RALYL: variants seen among roughly 807,000 people sequenced by gnomAD.
RALYL encodes the protein RALY RNA binding protein like.
In RALYL, 29 loss-of-function variants were observed where a neutral mutation model predicts 35.1. The ratio of observed to expected loss-of-function variants is 0.83; its 90% confidence interval spans 0.61 to 1.13. The LOEUF is 1.13. Among genes scored for constraint, RALYL ranks in the 50% most tolerant of loss-of-function variants. The pLI, the probability that RALYL is intolerant of heterozygous loss-of-function variation, is 0.00. For missense variants in RALYL, 359 were observed against 360.4 expected (o/e 1.00, Z 0.03); for synonymous variants, 120 against 127.6 (o/e 0.94, Z 0.40).
chr8:84,892,348 G>C (rs535007690), intron 8 of RALYL, among the ~76,000 whole-genome samples: 1 of 152,170 alleles, frequency 6.6e-6, no homozygotes, highest in East Asian at 1.9e-4. Flanking sequence ...GGTGGCTCAC[G>C]CCTGTAATCC....
chr8:84,532,635 T>A (rs1156575323), intron 2 of RALYL, among the ~76,000 whole-genome samples: 1 of 152,108 alleles, frequency 6.6e-6, no homozygotes, highest in Non-Finnish European at 1.5e-5. Context: ...ATTGATTAGA[T>A]CATGCACTGC....
At chr8:84,547,401 G>T (rs187727651) in intron 2 of RALYL, among the ~76,000 whole-genome samples, 1 of 149,840 alleles carries the variant, frequency 6.7e-6, no homozygotes, top group Non-Finnish European at 1.5e-5. Context: ...TTTTTGAGAC[G>T]GAGTCTCGCT....
chr8:84,515,914 G>C (rs2058023191), intron 1 of RALYL, among the ~76,000 whole-genome samples: 1 of 151,804 alleles, frequency 6.6e-6, no homozygotes, highest in African/African-American at 2.4e-5. Context: ...GATTATTAAA[G>C]GCAATGGATT....
chr8:84,352,983 G>A lies in RALYL; in HGVS notation c.-24+168559G>A, dbSNP rs1318650593. On this transcript the variant is annotated intron_variant, in intron 1 of 8. Transcript: ENST00000521268. ...CAAGTTAGGTAAGGTGCCAATTGCC[G>A]CGACCCCTGTTGGACCACCCCTAGA... Among the ~76,000 whole-genome samples, 8 of 149,886 alleles carry A rather than the reference G, an allele frequency of 5.3e-5. 1 individual carries two copies. Among genetic ancestry groups the A allele is most frequent in the Non-Finnish European group, 1.0e-4 (7 of 67,622 alleles).
chr8:84,568,534 G>A (rs2061956937), intron 2 of RALYL, among the ~76,000 whole-genome samples: 1 of 131,852 alleles, frequency 7.6e-6, no homozygotes, highest in South Asian at 2.8e-4. Flanking sequence ...CTTTATAGCA[G>A]CATGATTTAT....
intron 5 of RALYL, among the ~76,000 whole-genome samples, chr8:84,852,008 C>T (rs1193079502): frequency 6.6e-6 from 1 of 152,196 alleles, no homozygotes; most frequent in Non-Finnish European, 1.5e-5. Context: ...ATAGTGGATA[C>T]TCTGTATTAT....
chr8:84,532,922 G>A (rs1472717782), intron 2 of RALYL, among the ~76,000 whole-genome samples: 2 of 151,942 alleles, frequency 1.3e-5, no homozygotes, highest in African/African-American at 4.8e-5. Flanking sequence ...ATGATAGAGG[G>A]TATCCATGTT....
intron 1 of RALYL, among the ~76,000 whole-genome samples, chr8:84,410,709 C>T (rs1278592720): frequency 6.6e-6 from 1 of 151,140 alleles, no homozygotes; most frequent in South Asian, 2.1e-4. Context: ...TTAAATAAAA[C>T]AAAAAAAGAT....
At chr8:84,501,412 A>C (rs1179888597) in intron 1 of RALYL, among the ~76,000 whole-genome samples, 1 of 152,142 alleles carries the variant, frequency 6.6e-6, no homozygotes, top group East Asian at 1.9e-4. Flanking sequence ...TATGCACACA[A>C]TTAATTTTAA....
chr8:84,894,188 TTTG>T (rs1844351319), intron 8 of RALYL, among the ~76,000 whole-genome samples: 1 of 152,300 alleles, frequency 6.6e-6, no homozygotes, highest in South Asian at 2.1e-4. Context: ...TCTCCTTCTT[TTTG>T]AGACTTTTTG....
At chr8:84,226,198 C>T (rs1172732034) in intron 1 of RALYL, among the ~76,000 whole-genome samples, 22 of 152,140 alleles carry the variant, frequency 1.4e-4, no homozygotes, top group Admixed American at 1.4e-3. Context: ...ATCTAGGTTG[C>T]ATGCTTCTTA....
intron 1 of RALYL, among the ~76,000 whole-genome samples, chr8:84,514,497 T>G (rs1235628413): frequency 6.6e-6 from 1 of 152,142 alleles, no homozygotes; most frequent in East Asian, 1.9e-4. Context: ...GGCCCACTCT[T>G]TGCTTCCAAG....
intron 1 of RALYL, among the ~76,000 whole-genome samples, chr8:84,418,073 C>A (rs1025834707): frequency 5.9e-5 from 9 of 152,070 alleles, no homozygotes; most frequent in African/African-American, 2.2e-4. Context: ...TTTTCCAACA[C>A]ACAAGTAATT....
rs1253837488 is a variant in RALYL at position 84,862,388 on chromosome 8, G to A, written c.506G>A (p.Gly169Glu). 5.6e-6 allele frequency: 9 copies of A among 1,607,256 alleles called. 1 individual carries two copies. The highest frequency in any genetic ancestry group is 5.6e-5 in the South Asian group (5 of 89,948). The change falls in exon 6 of 9, where the codon GGG becomes GAG. Residue 169 changes from glycine (G) to glutamate (E), a missense_variant. By Grantham distance (98) the Gly-to-Glu change is moderately conservative (BLOSUM62 -2). Transcript: ENST00000521268. Reference sequence around the variant, plus strand: ...GTGGCAGTCACAACGACTCGCAGGGGGAAAGGAGTCTTTTCCATGAAAGGT... The same window carrying A: ...GTGGCAGTCACAACGACTCGCAGGGAGAAAGGAGTCTTTTCCATGAAAGGT... Reference protein sequence around the residue: ...PRVAVTTTRRGKGVFSMKGGS... With the variant: ...PRVAVTTTRREKGVFSMKGGS...
intron 6 of RALYL, among the ~76,000 whole-genome samples, chr8:84,867,280 A>T (rs576943722): frequency 6.6e-6 from 1 of 152,234 alleles, no homozygotes; most frequent in South Asian, 2.1e-4. Context: ...TCGTTTTTTT[A>T]TTATGGGACT....
chr8:84,291,580 C>T lies in RALYL; in HGVS notation c.-24+107156C>T. The stretch of plus-strand genomic sequence containing the variant: ...AAAACTTAAGCCAACATATTAATGA[C>T]TGGTGAGTACCATGACTTTATTCCT... On this transcript the variant is annotated intron_variant, in intron 1 of 8. Coordinates refer to ENST00000521268, the MANE Select transcript of RALYL (RefSeq NM_173848.7). Among the ~76,000 whole-genome samples the T allele has an allele frequency of 1.3e-5, 2 of 152,066 alleles. 1 individual carries two copies. Among genetic ancestry groups the T allele is most frequent in the South Asian group, 4.1e-4 (2 of 4,834 alleles).
intron 1 of RALYL, among the ~76,000 whole-genome samples, chr8:84,479,696 T>A (rs1284733734): frequency 6.6e-6 from 1 of 152,198 alleles, no homozygotes; most frequent in East Asian, 1.9e-4. Context: ...ATTACTGGGC[T>A]ACTGCTTACA....
At chr8:84,470,014 C>A (rs557989818) in intron 1 of RALYL, among the ~76,000 whole-genome samples, 57 of 152,248 alleles carry the variant, frequency 3.7e-4, no homozygotes, top group African/African-American at 1.0e-3. Flanking sequence ...ACGGTGCGCG[C>A]ACCCACTGAC....
chr8:84,710,906 A>G (rs2132467290), intron 2 of RALYL, among the ~76,000 whole-genome samples: 1 of 152,300 alleles, frequency 6.6e-6, no homozygotes, highest in Non-Finnish European at 1.5e-5. Flanking sequence ...ACAAATAAAT[A>G]TGTAATATGC....
Sources: gnomAD v4.1 joint callset for allele counts (sites outside exome capture counted in the v4.1 genomes callset) on GRCh38, gnomAD v4.1.1 for gene constraint, MANE v1.5 for transcripts, NCBI Gene and HGNC (gene_info 2026-07-23, HGNC 2026-07-21) for gene names.